Variants in JOSD2 observed in about 807,000 individuals in gnomAD.
JOSD2 encodes the protein josephin-2.
JOSD2 carries 20 observed loss-of-function variants against 19.3 expected under a neutral mutation model. The ratio of observed to expected loss-of-function variants is 1.04; its 90% CI spans 0.73 to 1.51. The LOEUF is 1.51. Ranked by LOEUF, JOSD2 falls within the 40% of genes most tolerant of loss-of-function variation. The pLI is 0.00. For synonymous variants in JOSD2, 118 were observed against 123.7 expected (o/e 0.95, Z 0.31); for missense variants, 215 against 250.4 (o/e 0.86, Z 0.95).
At chr19:50,510,545 G>A in intron 1 of JOSD2, 97 bp from the exon 2 acceptor site, 1 of 1,205,508 alleles carries the variant, frequency 8.3e-7, no homozygotes, top group Non-Finnish European at 1.1e-6. Flanking sequence ...ATTGAGCTGG[G>A]ACTCGGAGCA....
At position 50,506,016 on chromosome 19, in the gene JOSD2, T is replaced by G; in HGVS notation, c.*157A>C. 1 of 685,706 alleles carries G rather than the reference T, an allele frequency of 1.5e-6. No homozygotes were observed. The highest frequency in any genetic ancestry group is 2.4e-6 in the Non-Finnish European group (1 of 411,730). 42.5% of individuals were successfully genotyped at this position (685,706 alleles called of 1,614,324 possible). The stretch of plus-strand genomic sequence containing the variant: ...CCAGGCAGGCAGCAAATCAGCAGAT[T>G]TATTGAGGCAGCAGCGGCAGTGGGG... On this transcript the variant is annotated 3_prime_UTR_variant, in exon 5 of 5. Coordinates refer to ENST00000598418, the MANE Select transcript of JOSD2 (RefSeq NM_001270639.2).
In JOSD2 at chr19:50,506,566, C is replaced by G. The variant is rs1568700661; in HGVS notation, c.279G>C (p.Leu93=). Residue 93 remains leucine (L), a synonymous_variant, in exon 4 of 5, where the codon CTG becomes CTC. Transcript: ENST00000598418. ...AAVWWDRRRP[L]SQLALPQVLG... is the part of the protein sequence containing the mutation. The stretch of plus-strand genomic sequence containing the variant: ...GTACCTGGGGCAGGGCCAGCTGGGA[C>G]AGGGGCCTGTGTGGGCAGGGAGGGG... 6.5e-7 allele frequency: 1 copy of G among 1,532,692 alleles called. No individual in the cohort carries two copies. Among genetic ancestry groups the G allele is most frequent in the Non-Finnish European group, 8.8e-7 (1 of 1,137,452 alleles). 94.9% of individuals were successfully genotyped at this position (1,532,692 alleles called of 1,614,324 possible).
rs762897395 is a variant in JOSD2 at position 50,507,626 on chromosome 19, T to A, written c.220A>T (p.Met74Leu). ...GTGNYDVNVIMAALQGLGLAA... is the reference protein window; with the variant it reads ...GTGNYDVNVILAALQGLGLAA... Reference sequence around the variant, plus strand: ...AGGCCCAGCCCCTGCAGAGCGGCCATGATCACATTGACATCATAGTTGCCG... The same window carrying A: ...AGGCCCAGCCCCTGCAGAGCGGCCAAGATCACATTGACATCATAGTTGCCG... Residue 74 changes from methionine to leucine, a missense_variant, in exon 3 of 5, where the codon ATG becomes TTG. Met to Leu is a conservative substitution (Grantham distance 15). Transcript: ENST00000598418. 6.2e-7 allele frequency: 1 copy of A among 1,611,258 alleles called. No homozygotes were observed. The highest frequency in any genetic ancestry group is 1.1e-5 in the South Asian group (1 of 91,068).
rs370667903 is a variant in JOSD2 at position 50,506,158 on chromosome 19, G to A, written c.*15C>T. ...GCGCAGGGACTGCGCTGTGGGCGCC[G>A]ATGGTCAGCCATGGTCAGTCTGTCC... On this transcript the variant is annotated 3_prime_UTR_variant, in exon 5 of 5. Transcript: ENST00000598418. 3.1e-5 allele frequency: 50 copies of A among 1,610,510 alleles called. No individual in the cohort carries two copies. Among genetic ancestry groups the A allele is most frequent in the African/African-American group, 5.3e-5 (4 of 74,880 alleles).
At chr19:50,508,702 T>TGTGTGTGTGTGTGG (rs1979540861) in intron 2 of JOSD2, among the ~76,000 whole-genome samples, 5 of 68,128 alleles carry the variant, frequency 7.3e-5, no homozygotes, top group African/African-American at 4.5e-4. Context: ...AACGCTCGTG[T>TGTGTGTGTGTGTGG]GTGTGTGTGT....
intron 2 of JOSD2, chr19:50,508,044 TGACTCTGCCCTGTCCCCAAGGCCCC>T (rs1170025784): frequency 1.1e-5 from 4 of 379,372 alleles, no homozygotes; most frequent in African/African-American, 8.5e-5. Flanking sequence ...TCTCCTGCCC[TGACTCTGCCCTGTCCCCAAGGCCCC>T]AGATGGGCTC....
At chr19:50,510,592 G>A in intron 1 of JOSD2, 144 bp from the exon 2 acceptor site, 2 of 698,150 alleles carry the variant, frequency 2.9e-6, no homozygotes, top group Non-Finnish European at 4.7e-6. Context: ...CCCGCTCCCT[G>A]GCAGTCTCCT....
At chr19:50,510,632 C>CT (rs1162712713) in intron 1 of JOSD2, among the ~76,000 whole-genome samples, 184 bp from the exon 2 acceptor site, 2 of 152,108 alleles carry the variant, frequency 1.3e-5, no homozygotes, top group African/African-American at 4.8e-5. Context: ...TCCCTTATTC[C>CT]TATTCCTACG....
intron 2 of JOSD2, among the ~76,000 whole-genome samples, chr19:50,509,290 G>A (rs1040054908): frequency 6.6e-6 from 1 of 151,776 alleles, no homozygotes; most frequent in Non-Finnish European, 1.5e-5. Flanking sequence ...ACGGGGTTTC[G>A]CCCTGTTGGC....
In JOSD2 at chr19:50,511,145, A is replaced by G. The variant is rs916634547; in HGVS notation, c.-46T>C. On this transcript the variant is annotated 5_prime_UTR_variant, in exon 1 of 5. Transcript: ENST00000598418. The stretch of plus-strand genomic sequence containing the variant: ...GCCTGCCTCTCCGCTCCACCGAGCC[A>G]GGGGTTTCCGCATCCCCTTCCTGGG... The G allele has an allele frequency of 2.2e-6, 1 of 450,686 alleles. No homozygotes were observed. Among genetic ancestry groups the G allele is most frequent in the East Asian group, 7.3e-5 (1 of 13,656 alleles). The allele number at this position is 450,686 out of a possible 1,614,324, so 27.9% of individuals were successfully genotyped here.
chr19:50,507,461 C>T, intron 3 of JOSD2, 113 bp downstream of exon 3: 2 of 1,427,528 alleles, frequency 1.4e-6, no homozygotes, highest in East Asian at 2.3e-5. Context: ...AGGCTTCCCA[C>T]ATTCATGCCA....
chr19:50,508,363 T>C (rs1006680035), intron 2 of JOSD2, among the ~76,000 whole-genome samples: 20 of 152,262 alleles, frequency 1.3e-4, no homozygotes, highest in Admixed American at 5.2e-4. Flanking sequence ...CACTGCTTGC[T>C]TCTCCCACGG....
At chr19:50,507,528 C>A (rs566133499) in intron 3 of JOSD2, 46 bp downstream of exon 3, 2 of 1,567,138 alleles carry the variant, frequency 1.3e-6, no homozygotes, top group Non-Finnish European at 1.7e-6. Context: ...CTATAGGGTG[C>A]CCTCTGTGCC....
At position 50,506,221 on chromosome 19, in the gene JOSD2, TACCAGCAGCACCTCGCACAGGCCCTGG is replaced by T; in HGVS notation, c.492_518del (p.Gln165_Val173del). The T allele has an allele frequency of 6.2e-7, 1 of 1,612,730 alleles. No homozygotes were observed. The highest frequency in any genetic ancestry group is 8.5e-7 in the Non-Finnish European group (1 of 1,179,866). ...CCTTCTCCTCCACCTCCTTGGTCAC[TACCAGCAGCACCTCGCACAGGCCCTGG>T]GCCAGCGCAGCCGCCAGGAAGGCCC... On this transcript the variant is annotated inframe_deletion, in exon 5 of 5. Transcript: ENST00000598418.
chr19:50,506,485 C>T lies in JOSD2; in HGVS notation c.360G>A (p.Pro120=), dbSNP rs11548260. ...SPVSLGLLSL[P]LRRRHWVALR... is the part of the protein sequence containing the mutation. ...GGGCCACCCAGTGCCGCCGGCGCAG[C>T]GGCAGTGACAGCAGCCCCAGCGACA... is the stretch of plus-strand genomic sequence containing the variant. Residue 120 remains proline, a synonymous_variant, in exon 4 of 5, where the codon CCG becomes CCA. Coordinates refer to ENST00000598418, the MANE Select transcript of JOSD2 (RefSeq NM_001270639.2). 12,065 of 1,569,574 alleles carry T rather than the reference C, an allele frequency of 7.7e-3. 74 individuals are homozygous for T. The highest frequency in any genetic ancestry group is 9.0e-3 in the Non-Finnish European group (10,455 of 1,158,444).
chr19:50,509,418 T>G (rs1023941474), intron 2 of JOSD2, among the ~76,000 whole-genome samples: 1 of 151,730 alleles, frequency 6.6e-6, no homozygotes, highest in Non-Finnish European at 1.5e-5. Context: ...ACATTGTGAA[T>G]AGTGAAGAGG....
Position 50,506,506 on chromosome 19 carries a change from C to A in JOSD2, c.339G>T (p.Ser113=), listed in dbSNP as rs576139122. The part of the protein sequence containing the change: ...GLILNLPSPV[S]LGLLSLPLRR... ...GCAGCGGCAGTGACAGCAGCCCCAG[C>A]GACACGGGCGAGGGCAGGTTCAGGA... Residue 113 remains serine (S), a synonymous_variant, in exon 4 of 5, where the codon TCG becomes TCT. Coordinates refer to ENST00000598418, the MANE Select transcript of JOSD2 (RefSeq NM_001270639.2). 8.4e-6 allele frequency: 13 copies of A among 1,556,234 alleles called. No individual in the cohort carries two copies. The highest frequency in any genetic ancestry group is 1.0e-5 in the Non-Finnish European group (12 of 1,150,784).
rs58475114 is a variant in JOSD2, at chr19:50,508,698, CGTGTGTGTGTGTGTGTGTGTGTGT to C, written c.147-1023_147-1000del. 5.7e-5 allele frequency among the ~76,000 whole-genome samples: 8 copies of C among 140,910 alleles called. No individual in the cohort carries two copies. The South Asian group carries it at 7.2e-4, about 13-fold the overall frequency. The allele number at this position is 140,910 out of a possible 152,430, so 92.4% of individuals were successfully genotyped here. ...AGGCAGGACATGGGAGGAAAACGCT[CGTGTGTGTGTGTGTGTGTGTGTGT>C]GTGTGTGTGTGTGTGTGTTTCCCTC... is the stretch of plus-strand genomic sequence containing the variant. On this transcript the variant is annotated intron_variant, in intron 2 of 4. Transcript: ENST00000598418.
Position 50,506,372 on chromosome 19 carries a change from G to C in JOSD2, c.467+6C>G. ...CTGGTCTTGGAATCGCCTCTGTGGG[G>C]CTCACCTGACTCCGTCCTCATCCCC... On this transcript the variant is annotated splice_donor_region_variant and intron_variant, in intron 4 of 4. Transcript: ENST00000598418. 2 of 1,605,014 alleles carry C rather than the reference G, an allele frequency of 1.2e-6. No homozygotes were observed. The highest frequency in any genetic ancestry group is 1.7e-6 in the Non-Finnish European group (2 of 1,176,126).
Sources: gnomAD v4.1 joint callset for allele counts (sites outside exome capture counted in the v4.1 genomes callset) on GRCh38, gnomAD v4.1.1 for gene constraint, MANE v1.5 for transcripts, NCBI Gene and HGNC (gene_info 2026-07-23, HGNC 2026-07-21) for gene names.